PHC2: variants seen among roughly 807,000 people sequenced by gnomAD.
The protein encoded by PHC2 is polyhomeotic-like protein 2.
PHC2 carries 29 observed loss-of-function variants against 87.4 expected under a neutral mutation model. That is an observed-to-expected ratio of 0.33 (90% CI 0.25 to 0.45). The LOEUF is 0.45. Ranked by LOEUF, PHC2 falls within the 20% of genes least tolerant of loss-of-function variation. The pLI, the probability that PHC2 is intolerant of heterozygous loss-of-function variation, is 1.00. For synonymous variants in PHC2, 438 were observed against 461.7 expected, an observed-to-expected ratio of 0.95 and a Z score of 0.66; for missense variants, 857 against 1,136.7, an observed-to-expected ratio of 0.75 and a Z score of 3.54.
At chr1:33,327,014 G>A (rs965765952) in intron 14 of PHC2, among the ~76,000 whole-genome samples, 6 of 152,208 alleles carry the variant, frequency 3.9e-5, no homozygotes, top group South Asian at 2.1e-4. Context: ...CTGAGAAAAC[G>A]ACTACACTGA....
At chr1:33,360,630 C>T (rs978422938) in intron 7 of PHC2, among the ~76,000 whole-genome samples, 15 of 152,256 alleles carry the variant, frequency 9.9e-5, no homozygotes, top group African/African-American at 1.4e-4. Flanking sequence ...AGTAGATGCT[C>T]AGTAAATGGT....
intron 1 of PHC2, among the ~76,000 whole-genome samples, chr1:33,395,084 T>A (rs1448802979): frequency 6.6e-6 from 1 of 152,230 alleles, no homozygotes; most frequent in Non-Finnish European, 1.5e-5. Context: ...AAACCTGTGG[T>A]ATATCCACAC....
chr1:33,427,406 CAG>C (rs918782359), intron 1 of PHC2, among the ~76,000 whole-genome samples: 1 of 152,172 alleles, frequency 6.6e-6, no homozygotes, highest in Non-Finnish European at 1.5e-5. Flanking sequence ...ATGAAGCAGA[CAG>C]GGAAAATTAA....
At chr1:33,356,603 T>C (rs1418697222) in intron 7 of PHC2, among the ~76,000 whole-genome samples, 1 of 151,824 alleles carries the variant, frequency 6.6e-6, no homozygotes, top group Non-Finnish European at 1.5e-5. Flanking sequence ...GAGCACGGGG[T>C]TGGGGGTAAG....
chr1:33,323,958 C>CG lies in PHC2; in HGVS notation c.*906dup, dbSNP rs1212615019. The CG allele has an allele frequency of 3.3e-5, 5 of 152,290 alleles. No individual in the cohort carries two copies. The highest frequency in any genetic ancestry group is 1.3e-4 in the Admixed American group (2 of 15,290). The allele number at this position is 152,290 out of a possible 1,614,324, so 9.4% of individuals were successfully genotyped here. ...TCACCACTGGGACTCCCAGGGTGGGCGGGCAGGCAGGCCAGGAGGCTCAGC... is the reference window on the plus strand; with the variant it reads ...TCACCACTGGGACTCCCAGGGTGGGCGGGGCAGGCAGGCCAGGAGGCTCAGC... On this transcript the variant is annotated 3_prime_UTR_variant, in exon 15 of 15. Coordinates refer to ENST00000683057, the MANE Select transcript of PHC2 (RefSeq NM_001385109.1).
In PHC2 at chr1:33,334,261, G is replaced by T; in HGVS notation, c.1590C>A (p.Thr530=). 6.2e-7 allele frequency: 1 copy of T among 1,611,890 alleles called. No homozygotes were observed. Among genetic ancestry groups the T allele is most frequent in the Non-Finnish European group, 8.5e-7 (1 of 1,179,428 alleles). The change falls in exon 10 of 15, where the codon ACC becomes ACA. Residue 530 remains threonine (T), a synonymous_variant. Transcript: ENST00000683057. The surrounding 1 kb of genome is among the most constrained non-coding windows in gnomAD (Gnocchi z 5.5). The part of the protein sequence containing the change: ...ETGQGIVHAL[T]DLSSPGMTSG... ...AGGTCATGCCGGGGCTGCTGAGGTC[G>T]GTCAGTGCATGAACAATGCCCTGCC... is the stretch of plus-strand genomic sequence containing the variant.
chr1:33,344,123 T>G (rs2148245183), intron 9 of PHC2, among the ~76,000 whole-genome samples: 2 of 152,344 alleles, frequency 1.3e-5, no homozygotes, highest in East Asian at 3.9e-4. Context: ...TTATGTAACT[T>G]GTAATGCCAG....
chr1:33,357,254 C>T (rs1570480298), intron 7 of PHC2, among the ~76,000 whole-genome samples: 4 of 152,254 alleles, frequency 2.6e-5, no homozygotes, highest in Middle Eastern at 3.4e-3. Context: ...CCTGAGCTCA[C>T]GTTTTAAATG....
At chr1:33,337,059 T>G (rs534495117) in intron 9 of PHC2, among the ~76,000 whole-genome samples, 9 of 152,390 alleles carry the variant, frequency 5.9e-5, no homozygotes, top group Admixed American at 3.3e-4. Flanking sequence ...TTAAAATGAA[T>G]TACTAACATA....
chr1:33,338,421 GT>G (rs1646681927), intron 9 of PHC2, among the ~76,000 whole-genome samples: 1 of 152,204 alleles, frequency 6.6e-6, no homozygotes, highest in Non-Finnish European at 1.5e-5. Context: ...ATGGGAGAGT[GT>G]TTTATGAATA....
intron 1 of PHC2, among the ~76,000 whole-genome samples, chr1:33,424,375 AGATCAG>A (rs1650584436): frequency 6.6e-6 from 1 of 152,182 alleles, no homozygotes; most frequent in Admixed American, 6.5e-5. Flanking sequence ...GAACAGAGAA[AGATCAG>A]GTTACATTGC....
In PHC2 at chr1:33,334,319, A is replaced by AGC. The variant is rs571759033; in HGVS notation, c.1559-29_1559-28dup. ...TGCACGAGAGAGAGTAGGAAAACAA[A>AGC]GCAGGGGAGATCAGAACCAGAGTCC... On this transcript the variant is annotated intron_variant, in intron 9 of 14. Transcript: ENST00000683057. The surrounding 1 kb of genome is among the most constrained non-coding windows in gnomAD (Gnocchi z 5.5). 6.2e-4 allele frequency: 986 copies of AGC among 1,602,310 alleles called. No individual in the cohort carries two copies. The highest frequency in any genetic ancestry group is 7.7e-4 in the Non-Finnish European group (899 of 1,170,862).
chr1:33,371,303 T>C (rs1390050369), intron 3 of PHC2, among the ~76,000 whole-genome samples: 1 of 152,040 alleles, frequency 6.6e-6, no homozygotes, highest in Non-Finnish European at 1.5e-5. Context: ...CCTGATAGGA[T>C]TGCTGAGAGG....
chr1:33,346,850 A>T (rs1646853740), intron 9 of PHC2: 13 of 985,274 alleles, frequency 1.3e-5, no homozygotes, highest in Non-Finnish European at 1.6e-5. Context: ...AGTAGACAAA[A>T]AGACACCTAC....
At chr1:33,344,557 T>C (rs928409890) in intron 9 of PHC2, among the ~76,000 whole-genome samples, 1 of 152,226 alleles carries the variant, frequency 6.6e-6, no homozygotes, top group African/African-American at 2.4e-5. Flanking sequence ...ATAGAACAGA[T>C]TAATACTGAT....
At chr1:33,341,369 A>G (rs1209866379) in intron 9 of PHC2, among the ~76,000 whole-genome samples, 1 of 152,212 alleles carries the variant, frequency 6.6e-6, no homozygotes, top group Non-Finnish European at 1.5e-5. Flanking sequence ...AAAAGAGGAC[A>G]AGACATGTAA....
chr1:33,341,856 C>G (rs1212019464), intron 9 of PHC2, among the ~76,000 whole-genome samples: 1 of 152,220 alleles, frequency 6.6e-6, no homozygotes, highest in Admixed American at 6.5e-5. Flanking sequence ...CACCTGGGGT[C>G]CTCTGAATAC....
At chr1:33,370,667 C>A (rs1018705440) in intron 4 of PHC2, 82 bp from the exon 5 acceptor site, 10 of 1,355,256 alleles carry the variant, frequency 7.4e-6, no homozygotes, top group Admixed American at 2.2e-5. Flanking sequence ...TTTCTCCCCC[C>A]TCTTTTGCTC....
In PHC2 at chr1:33,349,408, G is replaced by T; in HGVS notation, c.1558+4993C>A. On this transcript the variant is annotated intron_variant, in intron 9 of 14. Transcript: ENST00000683057. This position sits in a 1 kb window ranked among gnomAD's most constrained non-coding sequence, Gnocchi z 4.2. The stretch of plus-strand genomic sequence containing the variant: ...GGGCGACGGGCGCGCAGGGTCCCCA[G>T]GCGAGCGAGGCTGGGGAGCAGGGCA... 1 of 985,302 alleles carries T rather than the reference G, an allele frequency of 1.0e-6. No homozygotes were observed. The highest frequency in any genetic ancestry group is 1.2e-6 in the Non-Finnish European group (1 of 829,880). 61.0% of individuals were successfully genotyped at this position (985,302 alleles called of 1,614,324 possible). A position where few individuals can be genotyped will look rare whatever the true frequency, so the allele number is the denominator to read the frequency against.
Sources: allele counts gnomAD v4.1 joint callset (sites outside exome capture counted in the v4.1 genomes callset), GRCh38; gene constraint gnomAD v4.1.1; non-coding constraint Gnocchi (gnomAD v3.1); transcripts MANE v1.5; gene names NCBI Gene and HGNC (gene_info 2026-07-23, HGNC 2026-07-21).